Variants in CDK12 observed in about 807,000 individuals in gnomAD.
The protein encoded by CDK12 is cyclin dependent kinase 12.
CDK12 carries 17 observed loss-of-function variants against 133.8 expected under a neutral mutation model. That is an observed-to-expected ratio of 0.13 (90% confidence interval 0.09 to 0.19). CDK12 has a LOEUF of 0.19. Ranked by LOEUF, CDK12 falls within the 10% of genes least tolerant of loss-of-function variation. The pLI, the probability that CDK12 is intolerant of heterozygous loss-of-function variation, is 1.00. For missense variants in CDK12, 1,508 were observed against 1,818.7 expected, an observed-to-expected ratio of 0.83 and a Z score of 3.11; for synonymous variants, 694 against 683.6, an observed-to-expected ratio of 1.02 and a Z score of -0.24.
At chr17:39,563,473 C>CCG (rs1555594618) in intron 3 of CDK12, among the ~76,000 whole-genome samples, 2 of 91,946 alleles carry the variant, frequency 2.2e-5, no homozygotes, top group African/African-American at 3.9e-5. Flanking sequence ...GCCCCCCCCC[C>CCG]GCCCCCATAT....
At chr17:39,496,870 TG>T (rs1004395349) in intron 5 of CDK12, among the ~76,000 whole-genome samples, 6 of 151,258 alleles carry the variant, frequency 4.0e-5, no homozygotes, top group Admixed American at 1.3e-4. Flanking sequence ...GTATGTCCAG[TG>T]GGTGTCCATC....
intron 1 of CDK12, among the ~76,000 whole-genome samples, chr17:39,465,773 G>C: frequency 6.6e-6 from 1 of 152,092 alleles, no homozygotes; most frequent in South Asian, 2.1e-4. Context: ...TTACAGGCGT[G>C]AGCCAATGCG....
intron 3 of CDK12, among the ~76,000 whole-genome samples, chr17:39,556,648 CCCAA>C (rs1404786728): frequency 2.0e-5 from 3 of 151,978 alleles, no homozygotes; most frequent in Non-Finnish European, 4.4e-5. Flanking sequence ...TCCCCGCTAG[CCCAA>C]CCCCCTCCCT....
chr17:39,485,929 A>T (rs2051088503), intron 2 of CDK12, among the ~76,000 whole-genome samples: 1 of 151,782 alleles, frequency 6.6e-6, no homozygotes, highest in Non-Finnish European at 1.5e-5. Flanking sequence ...ACACAATTAA[A>T]ATACCTTAAT....
upstream of CDK12, chr17:39,547,682 TG>T (rs973695569): frequency 6.6e-6 from 1 of 152,270 alleles, no homozygotes; most frequent in African/African-American, 2.4e-5. Context: ...TGGGGGCTGT[TG>T]AGAGTTGCAG....
chr17:39,473,309 T>TA (rs2049942919), intron 2 of CDK12, among the ~76,000 whole-genome samples: 5 of 152,194 alleles, frequency 3.3e-5, no homozygotes, highest in Admixed American at 3.3e-4. Flanking sequence ...AAAAGAATAA[T>TA]ATGTAAAGTA....
intron 11 of CDK12, among the ~76,000 whole-genome samples, chr17:39,523,352 G>A (rs1278931848): frequency 6.6e-6 from 1 of 151,972 alleles, no homozygotes; most frequent in Non-Finnish European, 1.5e-5. Flanking sequence ...GCGTGTACCT[G>A]TAGTCCCAGC....
chr17:39,531,091 C>G lies in CDK12; in HGVS notation c.4248C>G (p.Val1416=). The G allele has an allele frequency of 6.3e-7, 1 of 1,593,900 alleles. No homozygotes were observed. Among genetic ancestry groups the G allele is most frequent in the South Asian group, 1.1e-5 (1 of 87,944 alleles). ...ARVPLALHPV[V]GQPFLKAEGS... is the part of the protein sequence containing the mutation. ...TCCCCTTAGCGTTACACCCGGTGGT[C>G]GGGCAACCATTCCTGAAGGCTGAGG... The change falls in exon 14 of 14, where the codon GTC becomes GTG. Residue 1416 remains valine (V), a synonymous_variant. Coordinates refer to ENST00000447079, the MANE Select transcript of CDK12 (RefSeq NM_016507.4).
chr17:39,534,969 G>C (rs1232579741), downstream of CDK12: 1 of 152,158 alleles, frequency 6.6e-6, no homozygotes, highest in African/African-American at 2.4e-5. Flanking sequence ...CCCTACCTCA[G>C]TTCCCATGTT....
At chr17:39,551,426 G>A (rs914951242) in intron 2 of CDK12, among the ~76,000 whole-genome samples, 4 of 151,818 alleles carry the variant, frequency 2.6e-5, no homozygotes, top group Non-Finnish European at 5.9e-5. Context: ...GGAAGGAAAT[G>A]CATTATTTAC....
At chr17:39,526,388 T>C in intron 13 of CDK12, 72 bp downstream of exon 13, 1 of 1,212,558 alleles carries the variant, frequency 8.2e-7, no homozygotes, top group South Asian at 1.5e-5. Flanking sequence ...TCTTAACATT[T>C]TTTTTCCCCC....
At chr17:39,513,902 G>A (rs2053638154) in intron 8 of CDK12, among the ~76,000 whole-genome samples, 1 of 152,136 alleles carries the variant, frequency 6.6e-6, no homozygotes. Flanking sequence ...GGAGAAACTA[G>A]AAAGACTAGT....
intron 3 of CDK12, chr17:39,556,462 T>C (rs1482698255): frequency 6.6e-6 from 1 of 152,382 alleles, no homozygotes. Context: ...AGGGCAGCCA[T>C]AGGGGTACAG....
intron 4 of CDK12, 122 bp from the exon 5 acceptor site, chr17:39,494,402 A>T: frequency 6.6e-6 from 5 of 759,508 alleles, no homozygotes; most frequent in Non-Finnish European, 8.7e-6. Context: ...GTGTATAAGT[A>T]TCTCGTGTAA....
intron 11 of CDK12, among the ~76,000 whole-genome samples, chr17:39,524,463 A>G (rs959389350): frequency 6.6e-6 from 1 of 152,144 alleles, no homozygotes; most frequent in African/African-American, 2.4e-5. Flanking sequence ...TCACTATGTA[A>G]CTTTCGTACT....
At chr17:39,478,995 A>G (rs1023408245) in intron 2 of CDK12, among the ~76,000 whole-genome samples, 1 of 152,092 alleles carries the variant, frequency 6.6e-6, no homozygotes, top group African/African-American at 2.4e-5. Flanking sequence ...AGTAATTTTT[A>G]CATAGGAAAG....
chr17:39,550,520 G>T (rs1475043938), intron 1 of CDK12: 1 of 152,300 alleles, frequency 6.6e-6, no homozygotes, highest in Admixed American at 6.5e-5. Flanking sequence ...TGAAAGGAAG[G>T]TGGGGACAGA....
intron 5 of CDK12, among the ~76,000 whole-genome samples, chr17:39,499,261 G>A (rs1387242664): frequency 2.2e-5 from 3 of 139,528 alleles, no homozygotes; most frequent in Non-Finnish European, 4.6e-5. Context: ...AGGCTGGAGT[G>A]CAGTGCCGCT....
In CDK12 at chr17:39,495,637, C is replaced by A. The variant is rs531511847; in HGVS notation, c.2419+943C>A. On this transcript the variant is annotated intron_variant, in intron 5 of 13. Coordinates refer to ENST00000447079, the MANE Select transcript of CDK12 (RefSeq NM_016507.4). ...AAACCCTGACTCTACTAAAAAAATACAAAAAAAATTAGCCGGACATGGTGG... is the reference window on the plus strand; with the variant it reads ...AAACCCTGACTCTACTAAAAAAATAAAAAAAAAATTAGCCGGACATGGTGG... Among the ~76,000 whole-genome samples, 15 of 150,668 alleles carry A rather than the reference C, an allele frequency of 1.0e-4. 1 individual carries two copies. The South Asian group carries it at 3.1e-3, about 31-fold the overall frequency.
Sources: gnomAD v4.1 joint callset for allele counts (sites outside exome capture counted in the v4.1 genomes callset) on GRCh38, gnomAD v4.1.1 for gene constraint, MANE v1.5 for transcripts, NCBI Gene and HGNC (gene_info 2026-07-23, HGNC 2026-07-21) for gene names.